Variants in SLC7A5 observed in about 807,000 individuals in gnomAD.
The protein encoded by SLC7A5 is solute carrier family 7 member 5.
Under a neutral mutation model 50.2 loss-of-function variants are expected in SLC7A5, and 23 were observed. That is an observed-to-expected ratio of 0.46 (90% CI 0.33 to 0.65). The LOEUF (loss-of-function observed/expected upper bound fraction) is 0.65. Ranked by LOEUF, SLC7A5 falls within the 30% of genes least tolerant of loss-of-function variation. SLC7A5 has a pLI of 0.02. For missense variants in SLC7A5, 578 were observed against 684.4 expected, an observed-to-expected ratio of 0.84 and a Z score of 1.73; for synonymous variants, 393 against 330.6, an observed-to-expected ratio of 1.19 and a Z score of -2.05.
In SLC7A5 at chr16:87,833,857, CTTT is replaced by C. The variant is rs5818649; in HGVS notation, c.1468+554_1468+556del. ...CCGGGGGGCGGGTTTCTCCTTCTGC[CTTT>C]TTTTTTTTTTTTGAGAAGAGTCTCG... On this transcript the variant is annotated intron_variant, in intron 9 of 9. Transcript: ENST00000261622. The surrounding 1 kb of genome is among the most constrained non-coding windows in gnomAD (Gnocchi z 6.0). 2.8e-5 allele frequency among the ~76,000 whole-genome samples: 4 copies of C among 141,582 alleles called. No homozygotes were observed. Among genetic ancestry groups the C allele is most frequent in the Admixed American group, 7.0e-5 (1 of 14,306 alleles). 92.9% of individuals were successfully genotyped at this position (141,582 alleles called of 152,430 possible). A position where few individuals can be genotyped will look rare whatever the true frequency, so the allele number is the denominator to read the frequency against.
At chr16:87,859,054 C>T (rs1182878961) in intron 1 of SLC7A5, among the ~76,000 whole-genome samples, 2 of 152,248 alleles carry the variant, frequency 1.3e-5, no homozygotes. Context: ...CACCTGCCCC[C>T]TCACCTGTCA....
At chr16:87,854,132 A>G (rs1180491019) in intron 1 of SLC7A5, among the ~76,000 whole-genome samples, 6 of 94,348 alleles carry the variant, frequency 6.4e-5, no homozygotes, top group Non-Finnish European at 1.2e-4. Context: ...CCGCTCCCCA[A>G]CCAAAAACAG....
rs113524895 is a variant in SLC7A5 at position 87,850,213 on chromosome 16, G to T, written c.664+1511C>A. 5.1e-3 allele frequency among the ~76,000 whole-genome samples: 777 copies of T among 152,308 alleles called. 7 individuals carry two copies. Among genetic ancestry groups the T allele is most frequent in the African/African-American group, 0.018 (748 of 41,572 alleles). On this transcript the variant is annotated intron_variant, in intron 2 of 9. Transcript: ENST00000261622. ...CTGCGTGCTGGGTGCTGGGTGCTGC[G>T]GGGCACTGTTCAGTTCACAGCCCAC...
Position 87,836,630 on chromosome 16 carries a change from G to A in SLC7A5, c.1158C>T (p.Leu386=), listed in dbSNP as rs1346461029. 4 of 1,612,848 alleles carry A rather than the reference G, an allele frequency of 2.5e-6. No individual in the cohort carries two copies. Among genetic ancestry groups the A allele is most frequent in the Admixed American group, 1.7e-5 (1 of 60,008 alleles). ...AGAAGATGTCCTTGGAGAAGGCGTA[G>A]AGCAGCGTCATCACACACTGGAAGA... The part of the protein sequence containing the change: ...SLVFTCVMTL[L]YAFSKDIFSV... The change falls in exon 8 of 10, where the codon CTC becomes CTT. Residue 386 remains leucine, a synonymous_variant. Transcript: ENST00000261622.
chr16:87,852,279 C>T lies in SLC7A5; in HGVS notation c.539-430G>A, dbSNP rs947017456. Among the ~76,000 whole-genome samples, 13 of 152,162 alleles carry T rather than the reference C, an allele frequency of 8.5e-5. No individual in the cohort carries two copies. The highest frequency in any genetic ancestry group is 1.3e-4 in the Admixed American group (2 of 15,284). On this transcript the variant is annotated intron_variant, in intron 1 of 9. Coordinates refer to ENST00000261622, the MANE Select transcript of SLC7A5 (RefSeq NM_003486.7). This position sits in a 1 kb window ranked among gnomAD's most constrained non-coding sequence, Gnocchi z 4.5. Reference sequence around the variant, plus strand: ...CTGACTGTGAGACCCACGCACAGCCCGACTGCCGGACTCCATGAGGGCGGG... The same window carrying T: ...CTGACTGTGAGACCCACGCACAGCCTGACTGCCGGACTCCATGAGGGCGGG...
rs113212660 is a variant in SLC7A5, at chr16:87,852,007, G to A, written c.539-158C>T. ...AGTCCCCTGCCAGCCCTTAGGGCAC[G>A]TTCTGACTTTCTGAGACCTGTTTTG... is the stretch of plus-strand genomic sequence containing the variant. On this transcript the variant is annotated intron_variant, in intron 1 of 9. Coordinates refer to ENST00000261622, the MANE Select transcript of SLC7A5 (RefSeq NM_003486.7). The surrounding 1 kb of genome is among the most constrained non-coding windows in gnomAD (Gnocchi z 4.5). Among the ~76,000 whole-genome samples, 459 of 152,024 alleles carry A rather than the reference G, an allele frequency of 3.0e-3. 3 individuals are homozygous for A. The highest frequency in any genetic ancestry group is 0.01 in the African/African-American group (426 of 41,480).
At chr16:87,855,205 C>G (rs960823995) in intron 1 of SLC7A5, among the ~76,000 whole-genome samples, 1 of 152,210 alleles carries the variant, frequency 6.6e-6, no homozygotes, top group East Asian at 1.9e-4. Context: ...GCCACGTGCC[C>G]TGCTGCTCAG....
chr16:87,843,598 T>C (rs931399439), intron 2 of SLC7A5, among the ~76,000 whole-genome samples: 1 of 151,688 alleles, frequency 6.6e-6, no homozygotes, highest in African/African-American at 2.4e-5. Flanking sequence ...ACACCAGAGG[T>C]GGGAGTTAGA....
chr16:87,835,243 GT>G lies in SLC7A5; in HGVS notation c.1291-653del, dbSNP rs2054984465. Among the ~76,000 whole-genome samples, 3 of 152,220 alleles carry G rather than the reference GT, an allele frequency of 2.0e-5. No individual in the cohort carries two copies. In the South Asian group the frequency reaches 6.2e-4, roughly 31 times the overall value. On this transcript the variant is annotated intron_variant, in intron 8 of 9. Coordinates refer to ENST00000261622, the MANE Select transcript of SLC7A5 (RefSeq NM_003486.7). Reference sequence around the variant, plus strand: ...TCAGTGTGGGCTGCATGACTGCCCTGTCCCCAGGGAACAGACGCCAACCCGT... The same window carrying G: ...TCAGTGTGGGCTGCATGACTGCCCTGCCCCAGGGAACAGACGCCAACCCGT...
intron 8 of SLC7A5, 47 bp downstream of exon 8, chr16:87,836,451 C>G: frequency 6.2e-7 from 1 of 1,600,892 alleles, no homozygotes. Flanking sequence ...CCCACGGACC[C>G]TGCCTCTGTG....
At chr16:87,854,827 C>T (rs924755717) in intron 1 of SLC7A5, among the ~76,000 whole-genome samples, 17 of 152,254 alleles carry the variant, frequency 1.1e-4, no homozygotes, top group Non-Finnish European at 2.2e-4. Context: ...GGCTGGCTGG[C>T]AGGGGCTCCA....
chr16:87,844,932 T>A (rs935386523), intron 2 of SLC7A5, among the ~76,000 whole-genome samples: 3 of 152,136 alleles, frequency 2.0e-5, no homozygotes, highest in Non-Finnish European at 4.4e-5. Flanking sequence ...GACCTTGAGA[T>A]GAGATCATCC....
chr16:87,851,781 C>A lies in SLC7A5; in HGVS notation c.607G>T (p.Ala203Ser), dbSNP rs151257488. Reference sequence around the variant, plus strand: ...ATCAGGGCCAGGGCCAGGAGCTTGGCGGCGGCAAAGGCATCCTGGACCCGG... The same window carrying A: ...ATCAGGGCCAGGGCCAGGAGCTTGGAGGCGGCAAAGGCATCCTGGACCCGG... ...ATRVQDAFAA[A>S]KLLALALIIL... is the part of the protein sequence containing the mutation. Residue 203 changes from alanine (A) to serine (S), a missense_variant, in exon 2 of 10, where the codon GCC becomes TCC. By Grantham distance (99) the Ala-to-Ser change is moderately conservative. Coordinates refer to ENST00000261622, the MANE Select transcript of SLC7A5 (RefSeq NM_003486.7). The A allele has an allele frequency of 1.2e-6, 2 of 1,613,036 alleles. No homozygotes were observed. Among genetic ancestry groups the A allele is most frequent in the African/African-American group, 1.3e-5 (1 of 74,916 alleles).
Position 87,836,288 on chromosome 16 carries a change from C to G in SLC7A5, c.1290+210G>C, listed in dbSNP as rs113547626. On this transcript the variant is annotated intron_variant, in intron 8 of 9. Transcript: ENST00000261622. ...GCACAAGCTCTGTGCCATCTGCTGT[C>G]CTTTGAGGAACCCCGGCTCCTGCAG... 1.9e-3 allele frequency among the ~76,000 whole-genome samples: 287 copies of G among 152,366 alleles called. 2 individuals carry two copies. Among genetic ancestry groups the G allele is most frequent in the African/African-American group, 6.8e-3 (281 of 41,586 alleles).
chr16:87,858,900 G>A (rs1194932604), intron 1 of SLC7A5, among the ~76,000 whole-genome samples: 2 of 152,234 alleles, frequency 1.3e-5, no homozygotes, highest in East Asian at 1.9e-4. Context: ...CCCCAATCCC[G>A]ATGGGCTCTG....
intron 1 of SLC7A5, among the ~76,000 whole-genome samples, chr16:87,864,223 C>T (rs2055434146): frequency 6.6e-6 from 1 of 151,294 alleles, no homozygotes; most frequent in African/African-American, 2.4e-5. Flanking sequence ...ACCCAGGAGG[C>T]AGAGGTTGCA....
chr16:87,862,728 T>C lies in SLC7A5; in HGVS notation c.538+6157A>G, dbSNP rs1176102882. On this transcript the variant is annotated intron_variant, in intron 1 of 9. Transcript: ENST00000261622. The surrounding 1 kb of genome is among the most constrained non-coding windows in gnomAD (Gnocchi z 5.3). ...CAGAGGCCTGGGATTCCCAGACACC[T>C]GGCGCTGGGGCCAATCCCATTCCAC... is the stretch of plus-strand genomic sequence containing the variant. 1.3e-5 allele frequency among the ~76,000 whole-genome samples: 2 copies of C among 152,218 alleles called. No individual in the cohort carries two copies. The highest frequency in any genetic ancestry group is 1.3e-4 in the Admixed American group (2 of 15,286).
intron 6 of SLC7A5, 71 bp from the exon 7 acceptor site, chr16:87,838,012 G>T: frequency 8.3e-7 from 1 of 1,206,048 alleles, no homozygotes; most frequent in Non-Finnish European, 1.2e-6. Flanking sequence ...GGACACGCAG[G>T]CTGGGGAGTG....
chr16:87,839,876 C>A, intron 4 of SLC7A5, 51 bp from the exon 5 acceptor site: 1 of 1,611,120 alleles, frequency 6.2e-7, no homozygotes, highest in South Asian at 1.1e-5. Flanking sequence ...GGCTGAAGGC[C>A]AAACCCTGTG....
Sources: allele counts gnomAD v4.1 joint callset (sites outside exome capture counted in the v4.1 genomes callset), GRCh38; gene constraint gnomAD v4.1.1; non-coding constraint Gnocchi (gnomAD v3.1); transcripts MANE v1.5; gene names NCBI Gene and HGNC (gene_info 2026-07-23, HGNC 2026-07-21).